HTT: variants seen among roughly 807,000 people sequenced by gnomAD.
The protein encoded by HTT is huntington disease protein.
Under a neutral mutation model 362.3 loss-of-function variants are expected in HTT, and 104 were observed. The ratio of observed to expected loss-of-function variants is 0.29; its 90% CI spans 0.24 to 0.34. HTT has a LOEUF of 0.34. Ranked by LOEUF, HTT falls within the 10% of genes least tolerant of loss-of-function variation. The probability of loss-of-function intolerance (pLI) is 1.00; values close to 1 mark genes in which losing one functional copy is unlikely to be tolerated. For missense variants in HTT, 3,301 were observed against 3,928.6 expected (o/e 0.84, Z 4.27); for synonymous variants, 1,577 against 1,548.7 (o/e 1.02, Z -0.43).
intron 25 of HTT, 85 bp from the exon 26 acceptor site, chr4:3,147,920 G>T: frequency 9.6e-7 from 1 of 1,046,302 alleles, no homozygotes; most frequent in South Asian, 1.6e-5. Context: ...CTCAACATAG[G>T]GTCTTAAATG....
intron 24 of HTT, among the ~76,000 whole-genome samples, chr4:3,146,350 A>G (rs928410169): frequency 1.3e-5 from 2 of 152,222 alleles, no homozygotes; most frequent in Admixed American, 6.5e-5. Flanking sequence ...CCAACATAAT[A>G]ATATCAGGAA....
At chr4:3,208,505 A>G (rs1719977096) in intron 45 of HTT, among the ~76,000 whole-genome samples, 1 of 152,252 alleles carries the variant, frequency 6.6e-6, no homozygotes, top group South Asian at 2.1e-4. Flanking sequence ...AGTATAAATG[A>G]AATTTCTGGA....
chr4:3,152,224 G>A (rs1036764463), intron 26 of HTT, among the ~76,000 whole-genome samples: 6 of 151,540 alleles, frequency 4.0e-5, no homozygotes, highest in African/African-American at 1.5e-4. Context: ...TCAGCCTCCC[G>A]AGTAGTTGGG....
chr4:3,223,396 C>T lies in HTT; in HGVS notation c.7471-10C>T. ...TGCTGCTCTTGTTGACATGTGGGCTCTCCTTCCAGGAAGACACAGAGAGGA... is the reference window on the plus strand; with the variant it reads ...TGCTGCTCTTGTTGACATGTGGGCTTTCCTTCCAGGAAGACACAGAGAGGA... On this transcript the variant is annotated splice_polypyrimidine_tract_variant and intron_variant, in intron 54 of 66. Transcript: ENST00000355072. 6.4e-7 allele frequency: 1 copy of T among 1,568,006 alleles called. No individual in the cohort carries two copies. Among genetic ancestry groups the T allele is most frequent in the Non-Finnish European group, 8.7e-7 (1 of 1,154,860 alleles).
At chr4:3,160,449 C>T in intron 29 of HTT, 57 bp downstream of exon 29, 1 of 1,175,714 alleles carries the variant, frequency 8.5e-7, no homozygotes, top group Non-Finnish European at 1.2e-6. Context: ...TGTGCGTCTT[C>T]TGGGCTGAGT....
Position 3,213,968 on chromosome 4 carries a change from G to T in HTT, c.6785G>T (p.Trp2262Leu). 6.4e-7 allele frequency: 1 copy of T among 1,566,136 alleles called. No homozygotes were observed. Among genetic ancestry groups the T allele is most frequent in the Non-Finnish European group, 8.7e-7 (1 of 1,150,484 alleles). ...GGTACTTCCCTTTAGGCCCTGTCCT[G>T]GCATTTGATCCATGAGCAGATCCCG... ...FVVATLEALS[W>L]HLIHEQIPLS... Residue 2262 changes from tryptophan to leucine, a missense_variant, in exon 50 of 67, where the codon TGG becomes TTG. This residue lies in a region of HTT where 220 missense variants were observed against 218.5 expected (regional missense o/e 1.01). Coordinates refer to ENST00000355072, the MANE Select transcript of HTT (RefSeq NM_001388492.1).
Position 3,145,209 on chromosome 4 carries a change from A to ACTGTG in HTT, c.3124_3125insCTGTG (p.Ser1042ThrfsTer4). On this transcript the variant is annotated frameshift_variant, in exon 24 of 67. Coordinates refer to ENST00000355072, the MANE Select transcript of HTT (RefSeq NM_001388492.1). LOFTEE classifies it high-confidence loss of function. Reference sequence around the variant, plus strand: ...CACTGCCTTCCCAGTTTGCATTTGGAGTTTAGGTTGGCACTGTGGGTATGT... The same window carrying ACTGTG: ...CACTGCCTTCCCAGTTTGCATTTGGACTGTGGTTTAGGTTGGCACTGTGGGTATGT... The ACTGTG allele has an allele frequency of 6.2e-7, 1 of 1,612,808 alleles. No homozygotes were observed. The highest frequency in any genetic ancestry group is 8.5e-7 in the Non-Finnish European group (1 of 1,178,906).
chr4:3,139,438 TC>T (rs1389383118), intron 21 of HTT, among the ~76,000 whole-genome samples: 1 of 152,094 alleles, frequency 6.6e-6, no homozygotes, highest in East Asian at 1.9e-4. Context: ...CCTCAAGCGG[TC>T]CCCCTGTCTC....
intron 2 of HTT, among the ~76,000 whole-genome samples, chr4:3,096,951 T>C (rs548386365): frequency 6.6e-6 from 1 of 152,098 alleles, no homozygotes; most frequent in African/African-American, 2.4e-5. Context: ...AGACCCCATA[T>C]CTACAAAAAA....
chr4:3,130,635 T>G (rs1302132777), intron 14 of HTT, among the ~76,000 whole-genome samples: 1 of 152,158 alleles, frequency 6.6e-6, no homozygotes, highest in East Asian at 1.9e-4. Context: ...CCTTTGAGAG[T>G]GTGCCCCAGA....
At chr4:3,092,091 C>T (rs1016587561) in intron 2 of HTT, among the ~76,000 whole-genome samples, 3 of 152,164 alleles carry the variant, frequency 2.0e-5, no homozygotes, top group South Asian at 2.1e-4. Context: ...GGTGCGATCT[C>T]GGCTCACTGC....
intron 41 of HTT, among the ~76,000 whole-genome samples, chr4:3,203,677 A>G (rs1246132553): frequency 2.0e-5 from 3 of 152,232 alleles, no homozygotes; most frequent in Non-Finnish European, 2.9e-5. Context: ...TTCAAAAGCA[A>G]TTGCTCAATT....
intron 10 of HTT, among the ~76,000 whole-genome samples, chr4:3,124,464 A>G (rs1715431062): frequency 6.6e-6 from 1 of 152,148 alleles, no homozygotes; most frequent in African/African-American, 2.4e-5. Flanking sequence ...AGATGAAGGT[A>G]GAGTTGTGTT....
At chr4:3,235,156 A>AG (rs1401962200) in intron 61 of HTT, 128 bp from the exon 62 acceptor site, 1 of 669,848 alleles carries the variant, frequency 1.5e-6, no homozygotes, top group Non-Finnish European at 2.6e-6. Flanking sequence ...GGAGCCACTC[A>AG]GGGTAGGCGC....
chr4:3,238,307 A>G, intron 64 of HTT, 140 bp from the exon 65 acceptor site: 1 of 585,582 alleles, frequency 1.7e-6, no homozygotes. Flanking sequence ...CCACTTGGAA[A>G]GTCCCTCACG....
At chr4:3,075,970 T>G (rs1388634517) in intron 1 of HTT, among the ~76,000 whole-genome samples, 1 of 152,164 alleles carries the variant, frequency 6.6e-6, no homozygotes, top group East Asian at 1.9e-4. Flanking sequence ...ACCAACACGT[T>G]GCTGATGGGG....
At position 3,103,820 on chromosome 4, in the gene HTT, G is replaced by T; in HGVS notation, c.469-4G>T. The T allele has an allele frequency of 6.3e-7, 1 of 1,582,480 alleles. No individual in the cohort carries two copies. On this transcript the variant is annotated splice_region_variant and splice_polypyrimidine_tract_variant and intron_variant, in intron 3 of 66. Coordinates refer to ENST00000355072, the MANE Select transcript of HTT (RefSeq NM_001388492.1). Reference sequence around the variant, plus strand: ...TTCCATAAATCTCTTGTGATTTGTTGTAGGCTTTGATGGATTCTAATCTTC... The same window carrying T: ...TTCCATAAATCTCTTGTGATTTGTTTTAGGCTTTGATGGATTCTAATCTTC...
chr4:3,229,314 ACACACACCACACACACCACATGCAC>A (rs1721101266), intron 59 of HTT, among the ~76,000 whole-genome samples: 1 of 141,370 alleles, frequency 7.1e-6, no homozygotes, highest in Admixed American at 7.0e-5. Flanking sequence ...ACACACACAC[ACACACACCACACACACCACATGCAC>A]CACACCACAC....
intron 40 of HTT, among the ~76,000 whole-genome samples, chr4:3,189,715 G>A (rs1198732614): frequency 6.6e-6 from 1 of 152,180 alleles, no homozygotes; most frequent in East Asian, 1.9e-4. Context: ...TAATGCTACT[G>A]AACTGTACAG....
Sources: gnomAD v4.1 joint callset for allele counts (sites outside exome capture counted in the v4.1 genomes callset) on GRCh38, gnomAD v4.1.1 for gene constraint, gnomAD v4.1.1 regional missense constraint, MANE v1.5 for transcripts, NCBI Gene and HGNC (gene_info 2026-07-23, HGNC 2026-07-21) for gene names.